ZNF385D: variants seen among roughly 807,000 people sequenced by gnomAD.
ZNF385D encodes the protein zinc finger protein 659.
Under a neutral mutation model 35.8 loss-of-function variants are expected in ZNF385D, and 15 were observed. The observed-to-expected ratio is 0.42, with a 90% confidence interval of 0.28 to 0.64. The LOEUF (loss-of-function observed/expected upper bound fraction) is 0.64. ZNF385D is among the 30% of genes least tolerant of loss of function. The pLI is 0.23. For missense variants in ZNF385D, 474 were observed against 494.6 expected (o/e 0.96, Z 0.39); for synonymous variants, 212 against 186.8 (o/e 1.13, Z -1.10).
chr3:22,315,794 G>A (rs560854569), intron 2 of ZNF385D, among the ~76,000 whole-genome samples: 2 of 152,094 alleles, frequency 1.3e-5, no homozygotes, highest in Non-Finnish European at 2.9e-5. Context: ...TAACTTTAAA[G>A]CAAGGATGAT....
chr3:22,064,237 T>C (rs1341868473), intron 3 of ZNF385D, among the ~76,000 whole-genome samples: 2 of 152,208 alleles, frequency 1.3e-5, no homozygotes, highest in Non-Finnish European at 2.9e-5. Context: ...GGGGTAATCC[T>C]CTCCGAAGGG....
chr3:21,428,249 A>G (rs1701113867), intron 5 of ZNF385D, among the ~76,000 whole-genome samples: 1 of 152,116 alleles, frequency 6.6e-6, no homozygotes, highest in Non-Finnish European at 1.5e-5. Context: ...AATCTGTAAT[A>G]TGTTTCAGAT....
At chr3:21,700,401 C>T (rs1345270204) in intron 1 of ZNF385D, among the ~76,000 whole-genome samples, 1 of 152,156 alleles carries the variant, frequency 6.6e-6, no homozygotes, top group African/African-American at 2.4e-5. Flanking sequence ...TAAACTTTAG[C>T]TCTACTGATT....
intron 3 of ZNF385D, among the ~76,000 whole-genome samples, chr3:21,816,882 C>A (rs1246153981): frequency 6.6e-6 from 1 of 152,126 alleles, no homozygotes; most frequent in Non-Finnish European, 1.5e-5. Context: ...CCAAGACAAT[C>A]CTAAGCCAAA....
chr3:22,353,916 T>C (rs940171331), intron 2 of ZNF385D, among the ~76,000 whole-genome samples: 4 of 152,124 alleles, frequency 2.6e-5, no homozygotes, highest in Non-Finnish European at 4.4e-5. Flanking sequence ...ATCTCCCTCC[T>C]CCCCACATTT....
At chr3:22,004,568 A>C (rs956683644) in intron 3 of ZNF385D, among the ~76,000 whole-genome samples, 2 of 152,130 alleles carry the variant, frequency 1.3e-5, no homozygotes, top group Middle Eastern at 3.2e-3. Flanking sequence ...ACAAGCTGGG[A>C]GCTCCTTAGG....
chr3:22,143,509 A>G (rs1704657185), intron 3 of ZNF385D, among the ~76,000 whole-genome samples: 1 of 152,200 alleles, frequency 6.6e-6, no homozygotes, highest in Admixed American at 6.5e-5. Context: ...TTTCCCATGT[A>G]TGCACTAGAC....
chr3:21,714,068 G>A (rs2068221009), intron 1 of ZNF385D, among the ~76,000 whole-genome samples: 2 of 152,052 alleles, frequency 1.3e-5, no homozygotes, highest in Admixed American at 1.3e-4. Context: ...TGCTCCCTTG[G>A]CTAAATGAAA....
At chr3:21,889,478 A>T (rs143046223) in intron 3 of ZNF385D, among the ~76,000 whole-genome samples, 1 of 152,322 alleles carries the variant, frequency 6.6e-6, no homozygotes, top group African/African-American at 2.4e-5. Context: ...CCAGGAACCC[A>T]CAGTGCTCTT....
At chr3:22,125,059 T>C (rs1304988903) in intron 3 of ZNF385D, among the ~76,000 whole-genome samples, 1 of 152,168 alleles carries the variant, frequency 6.6e-6, no homozygotes, top group African/African-American at 2.4e-5. Flanking sequence ...AGATCTTAGA[T>C]TTAAGCCTAT....
At chr3:22,362,659 A>G (rs1696467706) in intron 2 of ZNF385D, among the ~76,000 whole-genome samples, 1 of 152,140 alleles carries the variant, frequency 6.6e-6, no homozygotes, top group Admixed American at 6.6e-5. Flanking sequence ...CTCAATGCCT[A>G]GCTTTTTAAA....
At chr3:21,732,030 G>GTTTTTTTTT (rs1214143626) in intron 1 of ZNF385D, among the ~76,000 whole-genome samples, 23 of 37,368 alleles carry the variant, frequency 6.2e-4, no homozygotes, top group Non-Finnish European at 1.2e-3. Flanking sequence ...TTTTTTCGGG[G>GTTTTTTTTT]TTTTTTTTTT....
chr3:22,333,976 G>C (rs905229875), intron 2 of ZNF385D, among the ~76,000 whole-genome samples: 1 of 152,152 alleles, frequency 6.6e-6, no homozygotes, highest in African/African-American at 2.4e-5. Context: ...AATGTTTTAT[G>C]TATTTTATAG....
At chr3:22,222,580 A>C (rs1698322769) in intron 2 of ZNF385D, among the ~76,000 whole-genome samples, 1 of 152,168 alleles carries the variant, frequency 6.6e-6, no homozygotes, top group Admixed American at 6.5e-5. Flanking sequence ...GCATAACAGG[A>C]ACTAGCAGGA....
At chr3:22,190,248 T>C (rs1695923912) in intron 2 of ZNF385D, among the ~76,000 whole-genome samples, 2 of 152,194 alleles carry the variant, frequency 1.3e-5, no homozygotes, top group African/African-American at 4.8e-5. Flanking sequence ...AAATTTTAAG[T>C]TCAGGCTGAC....
At position 21,911,261 on chromosome 3, in the gene ZNF385D, G is replaced by C. The variant is rs1182762075; in HGVS notation, c.326-246233C>G. On this transcript the variant is annotated intron_variant, in intron 3 of 5. Transcript: ENST00000494108. ...TTAAGGTTTTTATGAGAGTCCATTA[G>C]TTCTCATTTTAATATTTAGCACATG... Among the ~76,000 whole-genome samples the C allele has an allele frequency of 3.9e-5, 6 of 152,014 alleles. No homozygotes were observed. The East Asian group carries it at 9.6e-4, about 24-fold the overall frequency.
Position 22,115,007 on chromosome 3 carries a change from A to C in ZNF385D, c.325+53810T>G, listed in dbSNP as rs560519535. Among the ~76,000 whole-genome samples the C allele has an allele frequency of 8.5e-5, 13 of 152,198 alleles. No homozygotes were observed. In the East Asian group the frequency reaches 2.3e-3, roughly 27 times the overall value. On this transcript the variant is annotated intron_variant, in intron 3 of 5. Coordinates refer to the ZNF385D transcript ENST00000494108. The stretch of plus-strand genomic sequence containing the variant: ...GCAGCCTCCAGAACTGCAAGAAATC[A>C]ATCTCTTCTCTTTTCTGTATAAATT...
chr3:21,510,826 G>C (rs752276496), intron 4 of ZNF385D, 35 bp downstream of exon 4: 3 of 1,609,682 alleles, frequency 1.9e-6, no homozygotes, highest in African/African-American at 2.7e-5. Flanking sequence ...CAACGACGAC[G>C]ACGAGGACAA....
At chr3:21,574,069 A>AT (rs1194650251) in intron 2 of ZNF385D, among the ~76,000 whole-genome samples, 1 of 151,624 alleles carries the variant, frequency 6.6e-6, no homozygotes, top group Non-Finnish European at 1.5e-5. Flanking sequence ...TCAAAAAAAA[A>AT]AAAAAAGGAA....
Sources: gnomAD v4.1 joint callset for allele counts (sites outside exome capture counted in the v4.1 genomes callset) on GRCh38, gnomAD v4.1.1 for gene constraint, MANE v1.5 for transcripts, NCBI Gene and HGNC (gene_info 2026-07-23, HGNC 2026-07-21) for gene names.